Variants in THADA observed in about 807,000 individuals in gnomAD.
The protein encoded by THADA is THADA armadillo repeat containing.
In THADA, 213 loss-of-function variants were observed where a neutral mutation model predicts 219.8. The observed-to-expected ratio is 0.97, with a 90% CI of 0.87 to 1.09. The LOEUF is 1.09. Ranked by LOEUF, THADA falls within the 50% of genes least tolerant of loss-of-function variation. THADA has a pLI of 0.00. For synonymous variants in THADA, 1,018 were observed against 828.9 expected (o/e 1.23, Z -3.92); for missense variants, 2,956 against 2,311.3 (o/e 1.28, Z -5.72).
At chr2:43,380,314 G>C (rs539947161) in intron 29 of THADA, among the ~76,000 whole-genome samples, 4 of 152,312 alleles carry the variant, frequency 2.6e-5, no homozygotes, top group Admixed American at 6.5e-5. Context: ...TGTATATACA[G>C]TATTCTAGTA....
chr2:43,581,609 G>C (rs963923258), intron 8 of THADA, 132 bp downstream of exon 8: 1 of 622,480 alleles, frequency 1.6e-6, no homozygotes, highest in African/African-American at 2.0e-5. Flanking sequence ...CTCCATTTTT[G>C]AGAGGCTGAG....
intron 31 of THADA, among the ~76,000 whole-genome samples, chr2:43,320,162 A>C (rs1678528486): frequency 6.6e-6 from 1 of 152,214 alleles, no homozygotes; most frequent in Non-Finnish European, 1.5e-5. Flanking sequence ...AAATACATAA[A>C]ATAGAAAAAA....
At chr2:43,595,380 TAAGA>T (rs1702033342) in intron 1 of THADA, among the ~76,000 whole-genome samples, 2 of 152,174 alleles carry the variant, frequency 1.3e-5, no homozygotes, top group South Asian at 4.1e-4. Flanking sequence ...GCACGCTTCC[TAAGA>T]AAGTGACCAT....
chr2:43,302,497 C>A (rs1275614225), intron 31 of THADA, among the ~76,000 whole-genome samples: 4 of 151,184 alleles, frequency 2.6e-5, no homozygotes, highest in Admixed American at 6.6e-5. Context: ...AATTTCTGGC[C>A]TTCAAGGGAA....
At chr2:43,291,248 G>A (rs996485817) in intron 34 of THADA, among the ~76,000 whole-genome samples, 1 of 151,250 alleles carries the variant, frequency 6.6e-6, no homozygotes. Context: ...TCAGGAGTTC[G>A]AGACCAGCCT....
intron 25 of THADA, among the ~76,000 whole-genome samples, chr2:43,493,786 A>C (rs1687943511): frequency 6.6e-6 from 1 of 152,212 alleles, no homozygotes; most frequent in African/African-American, 2.4e-5. Flanking sequence ...TTTTAATATA[A>C]ATAATATGTT....
Position 43,498,914 on chromosome 2 carries a change from CG to C in THADA, c.3662del (p.Thr1221SerfsTer40). 6.3e-7 allele frequency: 1 copy of C among 1,594,724 alleles called. No homozygotes were observed. Among genetic ancestry groups the C allele is most frequent in the Non-Finnish European group, 8.5e-7 (1 of 1,170,100 alleles). On this transcript the variant is annotated frameshift_variant, in exon 25 of 38. Coordinates refer to ENST00000405975, the MANE Select transcript of THADA (RefSeq NM_022065.5). LOFTEE classifies it high-confidence loss of function. ...LNILRALFRD[T>X]RLGENIIPYV... ...AAGGAATAATATTTTCTCCCAGGCG[CG>C]TATCTCTGAACAATGCTCTAAGGAT...
chr2:43,441,128 T>C (rs1383882968), intron 26 of THADA, among the ~76,000 whole-genome samples: 3 of 152,226 alleles, frequency 2.0e-5, no homozygotes, highest in African/African-American at 4.8e-5. Flanking sequence ...GGTGCGGACT[T>C]TGAAGTATCA....
At chr2:43,269,646 G>C (rs1357080548) in intron 36 of THADA, among the ~76,000 whole-genome samples, 1 of 152,210 alleles carries the variant, frequency 6.6e-6, no homozygotes, top group Non-Finnish European at 1.5e-5. Context: ...GCAGGAATGG[G>C]GGCCTACCTT....
intron 36 of THADA, among the ~76,000 whole-genome samples, chr2:43,239,350 C>T (rs573281217): frequency 1.2e-4 from 19 of 152,306 alleles, no homozygotes; most frequent in Non-Finnish European, 2.1e-4. Context: ...CCACGATGAG[C>T]GCCTCCACCC....
chr2:43,547,685 C>T (rs1309057707), intron 20 of THADA, among the ~76,000 whole-genome samples: 4 of 152,192 alleles, frequency 2.6e-5, no homozygotes, highest in East Asian at 1.9e-4. Flanking sequence ...GCATTCTTCA[C>T]GTAGTTCTCG....
chr2:43,413,707 C>G (rs1490286081), intron 28 of THADA, among the ~76,000 whole-genome samples: 1 of 152,176 alleles, frequency 6.6e-6, no homozygotes, highest in Non-Finnish European at 1.5e-5. Context: ...TTTCCAATCC[C>G]AAACTTCCTA....
intron 30 of THADA, among the ~76,000 whole-genome samples, chr2:43,328,719 G>C (rs1679620888): frequency 6.6e-6 from 1 of 152,198 alleles, no homozygotes; most frequent in African/African-American, 2.4e-5. Context: ...ACTCCTACCA[G>C]GGTTCTGGGT....
intron 28 of THADA, among the ~76,000 whole-genome samples, chr2:43,427,310 C>G (rs376471963): frequency 6.6e-6 from 1 of 152,140 alleles, no homozygotes; most frequent in Non-Finnish European, 1.5e-5. Flanking sequence ...AAACATGGGG[C>G]TATGTCTTTC....
At chr2:43,585,486 C>T (rs1266014533) in intron 7 of THADA, among the ~76,000 whole-genome samples, 2 of 150,160 alleles carry the variant, frequency 1.3e-5, no homozygotes, top group Non-Finnish European at 3.0e-5. Flanking sequence ...CCACTGTACT[C>T]AAGCCTGGGT....
chr2:43,534,929 C>G (rs1054994575), intron 21 of THADA, among the ~76,000 whole-genome samples: 1 of 152,078 alleles, frequency 6.6e-6, no homozygotes, highest in African/African-American at 2.4e-5. Context: ...ACACTGTTCT[C>G]CACAGTAGCT....
Position 43,234,974 on chromosome 2 carries a change from G to A in THADA, c.5297-2092C>T, listed in dbSNP as rs116826623. 7.1e-3 allele frequency among the ~76,000 whole-genome samples: 1,038 copies of A among 147,024 alleles called. 12 individuals carry two copies. The highest frequency in any genetic ancestry group is 0.025 in the African/African-American group (976 of 39,498). On this transcript the variant is annotated intron_variant, in intron 36 of 37. Coordinates refer to ENST00000405975, the MANE Select transcript of THADA (RefSeq NM_022065.5). ...AGGTATGAGCCGCTGCACCCAGTGG[G>A]TTTATCACTCTTTTTTTTTTTCTCA...
intron 28 of THADA, among the ~76,000 whole-genome samples, chr2:43,425,615 T>C (rs1678336302): frequency 6.6e-6 from 1 of 152,208 alleles, no homozygotes; most frequent in South Asian, 2.1e-4. Context: ...TCAGATTTAC[T>C]GAAATCAGAA....
chr2:43,452,038 T>G (rs905490189), intron 26 of THADA, among the ~76,000 whole-genome samples: 8 of 152,030 alleles, frequency 5.3e-5, no homozygotes, highest in African/African-American at 1.9e-4. Flanking sequence ...ACCCAGGAGG[T>G]AGAGGTTGCA....
Sources: gnomAD v4.1 joint callset for allele counts (sites outside exome capture counted in the v4.1 genomes callset) on GRCh38, gnomAD v4.1.1 for gene constraint, MANE v1.5 for transcripts, NCBI Gene and HGNC (gene_info 2026-07-23, HGNC 2026-07-21) for gene names.